DPYSL4: variants seen among roughly 807,000 people sequenced by gnomAD.
The protein encoded by DPYSL4 is dihydropyrimidinase-related protein 4.
Under a neutral mutation model 63.4 loss-of-function variants are expected in DPYSL4, and 43 were observed. That is an observed-to-expected ratio of 0.68 (90% CI 0.53 to 0.88). The LOEUF is 0.88. Among genes scored for constraint, DPYSL4 ranks in the 40% least tolerant of loss-of-function variants. The pLI, the probability that DPYSL4 is intolerant of heterozygous loss-of-function variation, is 0.00. For synonymous variants in DPYSL4, 353 were observed against 331.7 expected (o/e 1.06, Z -0.70); for missense variants, 733 against 819.5 (o/e 0.89, Z 1.29).
At chr10:132,199,048 G>T (rs1323786318) in intron 8 of DPYSL4, 77 bp downstream of exon 8, 16 of 1,543,972 alleles carry the variant, frequency 1.0e-5, no homozygotes, top group Admixed American at 3.7e-5. Context: ...GGAGATGCAG[G>T]TTCCCTGAGT....
chr10:132,204,182 G>A (rs930919071), intron 13 of DPYSL4, among the ~76,000 whole-genome samples: 1 of 152,242 alleles, frequency 6.6e-6, no homozygotes, highest in Non-Finnish European at 1.5e-5. Context: ...ACTGGGGTGA[G>A]GCTGTCACAT....
intron 4 of DPYSL4, 53 bp downstream of exon 4, chr10:132,195,062 CTCTGCCCTGACCCTGTGT>C: frequency 6.4e-7 from 1 of 1,562,596 alleles, no homozygotes; most frequent in Non-Finnish European, 8.6e-7. Context: ...GTGGAGGAGC[CTCTGCCCTGACCCTGTGT>C]TCTGCCGATG....
chr10:132,187,293 C>T (rs2061809982), intron 1 of DPYSL4, among the ~76,000 whole-genome samples, 191 bp downstream of exon 1: 1 of 151,262 alleles, frequency 6.6e-6, no homozygotes, highest in African/African-American at 2.4e-5. Flanking sequence ...CCGCTAGCGC[C>T]GCGCAGACCC....
intron 11 of DPYSL4, 75 bp from the exon 12 acceptor site, chr10:132,202,571 C>T: frequency 1.9e-6 from 3 of 1,570,502 alleles, no homozygotes; most frequent in Non-Finnish European, 2.6e-6. Context: ...GGCCACAGTG[C>T]TCCAGCGGCT....
At position 132,203,807 on chromosome 10, in the gene DPYSL4, G is replaced by T; in HGVS notation, c.1507G>T (p.Val503Phe). Residue 503 changes from valine (V) to phenylalanine (F), a missense_variant, in exon 13 of 14, where the codon GTC becomes TTC. Physicochemically the swap from Val to Phe is conservative, Grantham distance 50 (BLOSUM62 -1). Transcript: ENST00000338492. ...GVPRGLYDGPVHEVMVPAKPG... is the reference protein window; with the variant it reads ...GVPRGLYDGPFHEVMVPAKPG... ...GCCCCGTGGACTGTATGACGGGCCC[G>T]TCCACGAGGTGATGGTGCCTGCCAA... The T allele has an allele frequency of 6.2e-7, 1 of 1,612,538 alleles. No homozygotes were observed. Among genetic ancestry groups the T allele is most frequent in the Non-Finnish European group, 8.5e-7 (1 of 1,179,706 alleles).
At chr10:132,190,428 GC>G (rs2061858426) in intron 1 of DPYSL4, among the ~76,000 whole-genome samples, 1 of 152,250 alleles carries the variant, frequency 6.6e-6, no homozygotes, top group Admixed American at 6.5e-5. Flanking sequence ...TCAGGCTGGG[GC>G]TCCTCAATCC....
rs753042336 is a variant in DPYSL4 at position 132,204,917 on chromosome 10, CCTCT to C, written c.1712_1715del (p.Leu571ProfsTer9). The C allele has an allele frequency of 2.5e-6, 4 of 1,611,400 alleles. No homozygotes were observed. Among genetic ancestry groups the C allele is most frequent in the Non-Finnish European group, 3.4e-6 (4 of 1,178,678 alleles). ...CCACCTGGCGGCCGCTCCAACATCA[CCTCT>C]CTCTCCTAGACGCCCAGGACCGGCC... On this transcript the variant is annotated frameshift_variant, in exon 14 of 14. Transcript: ENST00000338492. LOFTEE classifies it high-confidence loss of function.
At chr10:132,204,145 A>G (rs1286146288) in intron 13 of DPYSL4, among the ~76,000 whole-genome samples, 5 of 152,236 alleles carry the variant, frequency 3.3e-5, no homozygotes, top group Non-Finnish European at 2.9e-5. Context: ...GGCAGCTGTG[A>G]TGAACCCTCA....
At chr10:132,198,523 C>T (rs199525432) in intron 7 of DPYSL4, 40 bp downstream of exon 7, 1,019 of 1,552,304 alleles carry the variant, frequency 6.6e-4, no homozygotes, top group Non-Finnish European at 8.5e-4. Flanking sequence ...GAGCCAACTC[C>T]GCCCAGACCA....
rs758274779 is a variant in DPYSL4, at chr10:132,192,791, G to A, written c.262G>A (p.Asp88Asn). Residue 88 changes from aspartate (D) to asparagine (N), a missense_variant, in exon 3 of 14, where the codon GAC (aspartate) becomes AAC (asparagine). Transcript: ENST00000338492. Reference sequence around the variant, plus strand: ...TGTCCTGGGCATGACACCGGCTGACGACTTCTGTCAGGGCACCAAGGCAGC... The same window carrying A: ...TGTCCTGGGCATGACACCGGCTGACAACTTCTGTCAGGGCACCAAGGCAGC... ...MPVLGMTPAD[D>N]FCQGTKAALA... The A allele has an allele frequency of 8.1e-6, 13 of 1,612,998 alleles. No homozygotes were observed. The highest frequency in any genetic ancestry group is 5.0e-5 in the Admixed American group (3 of 59,990).
chr10:132,189,181 C>G (rs2061841873), intron 1 of DPYSL4, among the ~76,000 whole-genome samples: 1 of 152,260 alleles, frequency 6.6e-6, no homozygotes, highest in African/African-American at 2.4e-5. Context: ...GGCCGGACCT[C>G]CCTGTTAAAT....
chr10:132,192,917 G>A (rs910319776), intron 3 of DPYSL4, 75 bp downstream of exon 3: 1 of 1,450,904 alleles, frequency 6.9e-7, no homozygotes, highest in African/African-American at 1.4e-5. Context: ...GGTGTGTGTG[G>A]GAGGAGGAGT....
Position 132,200,477 on chromosome 10 carries a change from C to T in DPYSL4, c.933C>T (p.Pro311=). ...CATCACCCCCTGTCAACCCAGACCC[C>T]ACCACGGCGGACCACCTCACCTGCT... is the stretch of plus-strand genomic sequence containing the variant. The part of the protein sequence containing the change: ...FVTSPPVNPD[P]TTADHLTCLL... The change falls in exon 9 of 14, where the codon CCC becomes CCT. Residue 311 remains proline (P), a synonymous_variant. Transcript: ENST00000338492. 6.2e-7 allele frequency: 1 copy of T among 1,613,366 alleles called. No homozygotes were observed. Among genetic ancestry groups the T allele is most frequent in the Middle Eastern group, 1.7e-4 (1 of 6,060 alleles).
At chr10:132,202,499 C>G in intron 11 of DPYSL4, 147 bp from the exon 12 acceptor site, 1 of 1,071,432 alleles carries the variant, frequency 9.3e-7, no homozygotes, top group Non-Finnish European at 1.3e-6. Context: ...GTTCCAACCC[C>G]TCAGTTCCAG....
intron 1 of DPYSL4, among the ~76,000 whole-genome samples, chr10:132,188,102 G>A (rs888542886): frequency 6.6e-6 from 1 of 152,208 alleles, no homozygotes; most frequent in Non-Finnish European, 1.5e-5. Context: ...GCTGGGTCTG[G>A]TCTTGATGCA....
intron 1 of DPYSL4, among the ~76,000 whole-genome samples, chr10:132,189,449 G>A (rs931810390): frequency 6.6e-5 from 10 of 152,206 alleles, no homozygotes; most frequent in African/African-American, 2.4e-4. Flanking sequence ...TCTTAGAAGT[G>A]GATTTATGAC....
intron 4 of DPYSL4, 138 bp from the exon 5 acceptor site, chr10:132,196,723 G>C (rs1461535923): frequency 6.2e-6 from 6 of 962,152 alleles, no homozygotes; most frequent in Non-Finnish European, 9.6e-6. Context: ...ACTGCTCCCA[G>C]GGCTGGCAAG....
chr10:132,196,103 G>A (rs1411933128), intron 4 of DPYSL4, among the ~76,000 whole-genome samples: 1 of 152,250 alleles, frequency 6.6e-6, no homozygotes, highest in Non-Finnish European at 1.5e-5. Flanking sequence ...AGTTTCCCCA[G>A]TGTGCCTTAG....
At chr10:132,201,039 G>A in intron 10 of DPYSL4, 56 bp downstream of exon 10, 4 of 1,591,804 alleles carry the variant, frequency 2.5e-6, no homozygotes, top group Non-Finnish European at 3.4e-6. Context: ...GGGCGGGATT[G>A]TGATGGCTGG....
Sources: allele counts gnomAD v4.1 joint callset (sites outside exome capture counted in the v4.1 genomes callset), GRCh38; gene constraint gnomAD v4.1.1; transcripts MANE v1.5; gene names NCBI Gene and HGNC (gene_info 2026-07-23, HGNC 2026-07-21).